KCNIP1: variants seen among roughly 807,000 people sequenced by gnomAD.
The protein encoded by KCNIP1 is potassium voltage-gated channel interacting protein 1, also known as A-type potassium channel modulatory protein KCNIP1.
A neutral mutation model predicts 33.0 loss-of-function variants in KCNIP1; 18 were observed. That is an observed-to-expected ratio of 0.55 (90% confidence interval 0.38 to 0.81). The LOEUF is 0.81. Among genes scored for constraint, KCNIP1 ranks in the 30% least tolerant of loss-of-function variants. The pLI is 0.00. For synonymous variants in KCNIP1, 93 were observed against 98.3 expected, an observed-to-expected ratio of 0.95 and a Z score of 0.32; for missense variants, 238 against 271.6, an observed-to-expected ratio of 0.88 and a Z score of 0.87.
At chr5:170,720,672 T>C (rs1763789609) in intron 3 of KCNIP1, among the ~76,000 whole-genome samples, 1 of 152,150 alleles carries the variant, frequency 6.6e-6, no homozygotes, top group Admixed American at 6.5e-5. Flanking sequence ...CCAGATGGAG[T>C]AACTGAGTTT....
chr5:170,383,236 A>C (rs897822406), intron 1 of KCNIP1: 10 of 299,088 alleles, frequency 3.3e-5, no homozygotes, highest in Admixed American at 1.4e-4. Context: ...AGTCACCGGG[A>C]TTCCACTTTG....
At chr5:170,673,681 A>C (rs540339041) in intron 1 of KCNIP1, among the ~76,000 whole-genome samples, 1 of 152,276 alleles carries the variant, frequency 6.6e-6, no homozygotes, top group Non-Finnish European at 1.5e-5. Context: ...GACTTTATAA[A>C]TATCTCTTAT....
chr5:170,629,455 C>T (rs1333870244), intron 1 of KCNIP1, among the ~76,000 whole-genome samples: 2 of 152,216 alleles, frequency 1.3e-5, no homozygotes, highest in African/African-American at 4.8e-5. Context: ...TGGTCAGCAA[C>T]CAACCAGCCC....
At chr5:170,731,627 C>T (rs1276994573) in intron 5 of KCNIP1, among the ~76,000 whole-genome samples, 3 of 148,148 alleles carry the variant, frequency 2.0e-5, no homozygotes, top group East Asian at 2.0e-4. Context: ...CCCGGGAGGT[C>T]GAGGCTGCAG....
chr5:170,668,980 C>T (rs1372639884), intron 1 of KCNIP1, among the ~76,000 whole-genome samples: 2 of 152,162 alleles, frequency 1.3e-5, no homozygotes, highest in African/African-American at 2.4e-5. Flanking sequence ...GGGAACCCTT[C>T]CTGGATTCCC....
intron 1 of KCNIP1, among the ~76,000 whole-genome samples, chr5:170,613,302 C>A (rs960074063): frequency 5.9e-5 from 9 of 152,206 alleles, no homozygotes; most frequent in African/African-American, 2.2e-4. Flanking sequence ...CTATTTAATT[C>A]ATTGTCACAT....
chr5:170,687,756 G>A (rs10059596), intron 1 of KCNIP1, among the ~76,000 whole-genome samples: 20,925 of 152,136 alleles, frequency 0.14, 1,960 homozygotes, highest in African/African-American at 0.26. Context: ...TGTTACCTTA[G>A]GAAATAGATT....
intron 1 of KCNIP1, among the ~76,000 whole-genome samples, chr5:170,452,707 C>G (rs545213211): frequency 6.6e-6 from 1 of 152,192 alleles, no homozygotes; most frequent in Non-Finnish European, 1.5e-5. Flanking sequence ...CTGCCTTTAT[C>G]CTGACAAAGA....
chr5:170,361,637 A>G (rs185910790), intron 1 of KCNIP1, among the ~76,000 whole-genome samples: 1 of 152,292 alleles, frequency 6.6e-6, no homozygotes, highest in East Asian at 1.9e-4. Context: ...GTGGCTTATC[A>G]ACAACAGAAA....
At chr5:170,620,557 G>A (rs1215870582) in intron 1 of KCNIP1, among the ~76,000 whole-genome samples, 1 of 152,192 alleles carries the variant, frequency 6.6e-6, no homozygotes, top group East Asian at 1.9e-4. Context: ...CACAGAAAAT[G>A]ATGCCAAAGT....
intron 1 of KCNIP1, among the ~76,000 whole-genome samples, chr5:170,403,618 G>A (rs1020544697): frequency 1.3e-5 from 2 of 152,202 alleles, no homozygotes; most frequent in African/African-American, 4.8e-5. Context: ...AGTGGCTTTT[G>A]AGTGTATAGG....
intron 1 of KCNIP1, among the ~76,000 whole-genome samples, chr5:170,403,351 CTG>C (rs1754956294): frequency 6.6e-6 from 1 of 152,236 alleles, no homozygotes; most frequent in Non-Finnish European, 1.5e-5. Context: ...AGAAACATAA[CTG>C]AGAATTGTGA....
chr5:170,659,460 G>GA (rs1447987276), intron 1 of KCNIP1, among the ~76,000 whole-genome samples: 1 of 151,934 alleles, frequency 6.6e-6, no homozygotes, highest in Non-Finnish European at 1.5e-5. Flanking sequence ...AAAATTTGGG[G>GA]AAAAAAGCAA....
At chr5:170,398,828 CT>C (rs1377140214) in intron 1 of KCNIP1, among the ~76,000 whole-genome samples, 1 of 152,174 alleles carries the variant, frequency 6.6e-6, no homozygotes, top group African/African-American at 2.4e-5. Flanking sequence ...TGTAAACTTT[CT>C]TTGCTGAGCC....
At position 170,504,463 on chromosome 5, in the gene KCNIP1, G is replaced by T; in HGVS notation, c.-110G>T. ...AATACCAAGCTGCAGGCGAGCTGCC[G>T]GGCGCTTTTCTCTCCTCCAATTCAG... is the stretch of plus-strand genomic sequence containing the variant. On this transcript the variant is annotated 5_prime_UTR_variant, in exon 1 of 8. Coordinates refer to ENST00000328939, the MANE Select transcript of KCNIP1 (RefSeq NM_014592.4). This position sits in a 1 kb window ranked among gnomAD's most constrained non-coding sequence, Gnocchi z 6.0. 1 of 1,561,330 alleles carries T rather than the reference G, an allele frequency of 6.4e-7. No individual in the cohort carries two copies.
intron 1 of KCNIP1, among the ~76,000 whole-genome samples, chr5:170,550,376 C>T (rs539089391): frequency 1.3e-5 from 2 of 152,250 alleles, no homozygotes; most frequent in South Asian, 4.2e-4. Flanking sequence ...CAAAACAATC[C>T]CTCTAAAAGT....
chr5:170,419,757 C>T (rs1280149324), intron 1 of KCNIP1, among the ~76,000 whole-genome samples: 7 of 152,210 alleles, frequency 4.6e-5, no homozygotes. Context: ...GGGACGCAGG[C>T]CTGAGCAGGC....
chr5:170,685,709 G>C (rs1355348457), intron 1 of KCNIP1, among the ~76,000 whole-genome samples: 1 of 151,924 alleles, frequency 6.6e-6, no homozygotes, highest in East Asian at 1.9e-4. Flanking sequence ...GGCTAGCCTC[G>C]AACTCCTGAC....
intron 1 of KCNIP1, among the ~76,000 whole-genome samples, chr5:170,473,789 A>T (rs1452731609): frequency 2.6e-5 from 4 of 151,714 alleles, no homozygotes; most frequent in Admixed American, 2.6e-4. Flanking sequence ...TCAGCAATTC[A>T]CCCCCAGGGA....
Sources: allele counts gnomAD v4.1 joint callset (sites outside exome capture counted in the v4.1 genomes callset), GRCh38; gene constraint gnomAD v4.1.1; non-coding constraint Gnocchi (gnomAD v3.1); transcripts MANE v1.5; gene names NCBI Gene and HGNC (gene_info 2026-07-23, HGNC 2026-07-21).